The following PDE1A variants were observed in gnomAD, a reference collection of about 807,000 sequenced individuals.
The protein encoded by PDE1A is dual specificity calcium/calmodulin-dependent 3',5'-cyclic nucleotide phosphodiesterase 1A.
PDE1A carries 35 observed loss-of-function variants against 61.7 expected under a neutral mutation model. The ratio of observed to expected loss-of-function variants is 0.57; its 90% CI spans 0.43 to 0.75. The LOEUF (loss-of-function observed/expected upper bound fraction) is 0.75. Ranked by LOEUF, PDE1A falls within the 30% of genes least tolerant of loss-of-function variation. The pLI, the probability that PDE1A is intolerant of heterozygous loss-of-function variation, is 0.00. For missense variants in PDE1A, 597 were observed against 630.6 expected, an observed-to-expected ratio of 0.95 and a Z score of 0.57; for synonymous variants, 232 against 213.2, an observed-to-expected ratio of 1.09 and a Z score of -0.77.
At chr2:182,604,274 G>T in the PDE1A span, among the ~76,000 whole-genome samples, 1 of 152,106 alleles carries the variant, frequency 6.6e-6, no homozygotes, top group Non-Finnish European at 1.5e-5. Context: ...TAGATAACCT[G>T]TCTAATTATT....
chr2:182,601,423 G>T, the PDE1A span, among the ~76,000 whole-genome samples: 23,594 of 152,204 alleles, frequency 0.16, 2,115 homozygotes, highest in Middle Eastern at 0.24. Context: ...TCATGGCCCT[G>T]AATGTCTAGG....
chr2:182,358,625 A>G (rs1699331444), intron 1 of PDE1A, among the ~76,000 whole-genome samples: 1 of 152,068 alleles, frequency 6.6e-6, no homozygotes, highest in Non-Finnish European at 1.5e-5. Flanking sequence ...CTGTTTTCCT[A>G]TTACACTACG....
At chr2:182,629,827 G>A in the PDE1A span, among the ~76,000 whole-genome samples, 1 of 152,162 alleles carries the variant, frequency 6.6e-6, no homozygotes, top group Middle Eastern at 3.2e-3. Context: ...TTCCAAAAAG[G>A]ATGCTAAAAT....
At chr2:182,469,518 C>CT (rs774106867) in intron 2 of PDE1A, among the ~76,000 whole-genome samples, 26 of 152,104 alleles carry the variant, frequency 1.7e-4, no homozygotes, top group Non-Finnish European at 2.9e-4. Context: ...GTTTGATCAA[C>CT]TATCCAGACC....
intron 2 of PDE1A, among the ~76,000 whole-genome samples, chr2:182,492,342 A>G (rs1688445122): frequency 1.3e-5 from 2 of 152,336 alleles, no homozygotes; most frequent in South Asian, 4.1e-4. Flanking sequence ...CTATATTTTT[A>G]TCCATCTAAA....
chr2:182,475,629 C>T (rs1185370537), intron 2 of PDE1A, among the ~76,000 whole-genome samples: 1 of 151,936 alleles, frequency 6.6e-6, no homozygotes, highest in East Asian at 1.9e-4. Flanking sequence ...CAAGCACGGG[C>T]TATTCATTCT....
chr2:182,582,955 A>T, the PDE1A span, among the ~76,000 whole-genome samples: 3 of 152,176 alleles, frequency 2.0e-5, no homozygotes, highest in Admixed American at 1.3e-4. Context: ...AAGAACTGAA[A>T]ATGGGGTTCC....
chr2:182,280,988 T>A (rs1693768158), intron 1 of PDE1A, among the ~76,000 whole-genome samples: 1 of 151,942 alleles, frequency 6.6e-6, no homozygotes. Flanking sequence ...CATTTGGTAT[T>A]GGAAAAATTA....
the PDE1A span, among the ~76,000 whole-genome samples, chr2:182,593,725 C>T: frequency 4.6e-5 from 7 of 152,134 alleles, no homozygotes; most frequent in African/African-American, 1.7e-4. Context: ...TTGTCTCTAC[C>T]ACTGGGACCA....
At chr2:182,506,870 T>C (rs1397835525) in intron 2 of PDE1A, among the ~76,000 whole-genome samples, 2 of 152,240 alleles carry the variant, frequency 1.3e-5, no homozygotes, top group Admixed American at 1.3e-4. Context: ...CCATCTTCTT[T>C]TATGCAACTA....
At chr2:182,370,568 A>G (rs1308221118) in intron 1 of PDE1A, among the ~76,000 whole-genome samples, 1 of 152,208 alleles carries the variant, frequency 6.6e-6, no homozygotes, top group Non-Finnish European at 1.5e-5. Context: ...TTGATCTGAG[A>G]TTTGACAAGA....
the PDE1A span, among the ~76,000 whole-genome samples, chr2:182,651,366 T>C: frequency 6.6e-6 from 1 of 152,190 alleles, no homozygotes; most frequent in African/African-American, 2.4e-5. Flanking sequence ...GCTGCAGTCA[T>C]TGAAATTGAG....
At chr2:182,615,730 C>A in the PDE1A span, among the ~76,000 whole-genome samples, 1 of 152,002 alleles carries the variant, frequency 6.6e-6, no homozygotes, top group Non-Finnish European at 1.5e-5. Context: ...CTGCATCATA[C>A]CATGGTGGAA....
chr2:182,342,784 A>G (rs541277274), intron 1 of PDE1A, among the ~76,000 whole-genome samples: 20 of 152,356 alleles, frequency 1.3e-4, no homozygotes, highest in African/African-American at 4.3e-4. Flanking sequence ...ATGGAACCAT[A>G]TTACATAACA....
chr2:182,191,042 A>G (rs1055540965), intron 10 of PDE1A, among the ~76,000 whole-genome samples: 1 of 152,222 alleles, frequency 6.6e-6, no homozygotes, highest in Non-Finnish European at 1.5e-5. Context: ...TATGATGTCT[A>G]ATGCATACAT....
At chr2:182,346,262 AATCTTAAATTTT>A (rs1418750567) in intron 1 of PDE1A, among the ~76,000 whole-genome samples, 1 of 152,216 alleles carries the variant, frequency 6.6e-6, no homozygotes, top group African/African-American at 2.4e-5. Flanking sequence ...TGTGGAAATT[AATCTTAAATTTT>A]AGCTTATTCT....
At chr2:182,665,892 A>C in the PDE1A span, among the ~76,000 whole-genome samples, 1 of 152,244 alleles carries the variant, frequency 6.6e-6, no homozygotes. Flanking sequence ...AGCCATAAAA[A>C]GGAATGAAAT....
intron 3 of PDE1A, 103 bp from the exon 4 acceptor site, chr2:182,234,601 C>G: frequency 1.4e-6 from 1 of 713,968 alleles, no homozygotes; most frequent in Admixed American, 2.5e-5. Context: ...ATGTTCACCT[C>G]TTATCATTAG....
At chr2:182,292,364 A>C (rs186663657) in intron 1 of PDE1A, among the ~76,000 whole-genome samples, 19 of 152,158 alleles carry the variant, frequency 1.2e-4, no homozygotes, top group Admixed American at 5.2e-4. Context: ...GACATTTATA[A>C]ACAAAAAAAT....
Sources: allele counts gnomAD v4.1 joint callset (sites outside exome capture counted in the v4.1 genomes callset), GRCh38; gene constraint gnomAD v4.1.1; transcripts MANE v1.5; gene names NCBI Gene and HGNC (gene_info 2026-07-23, HGNC 2026-07-21).